The following COLQ variants were observed in gnomAD, a reference collection of about 807,000 sequenced individuals.
COLQ encodes the protein collagen like tail subunit of asymmetric acetylcholinesterase.
In COLQ, 48 loss-of-function variants were observed where a neutral mutation model predicts 69.0. That is an observed-to-expected ratio of 0.70 (90% confidence interval 0.55 to 0.88). The LOEUF is 0.88. Ranked by LOEUF, COLQ falls within the 40% of genes least tolerant of loss-of-function variation. The pLI is 0.00. For missense variants in COLQ, 618 were observed against 594.6 expected (o/e 1.04, Z -0.41); for synonymous variants, 217 against 211.2 (o/e 1.03, Z -0.24).
chr3:15,453,600 A>C (rs2061979595), intron 16 of COLQ, among the ~76,000 whole-genome samples: 1 of 152,192 alleles, frequency 6.6e-6, no homozygotes, highest in African/African-American at 2.4e-5. Flanking sequence ...TGGATGGAGC[A>C]GGTGGCTGTG....
In COLQ at chr3:15,509,597, C is replaced by T. The variant is rs189674314; in HGVS notation, c.106+11923G>A. Among the ~76,000 whole-genome samples the T allele has an allele frequency of 1.7e-3, 259 of 152,324 alleles. 1 individual carries two copies. The highest frequency in any genetic ancestry group is 6.8e-3 in the Middle Eastern group (2 of 294). On this transcript the variant is annotated intron_variant, in intron 1 of 16. Transcript: ENST00000383788. ...CATGTCCTGAAAGTCAAATGTTGCCCCTCAAAGTACAACAGTAATTCCTGA... is the reference window on the plus strand; with the variant it reads ...CATGTCCTGAAAGTCAAATGTTGCCTCTCAAAGTACAACAGTAATTCCTGA...
intron 12 of COLQ, among the ~76,000 whole-genome samples, chr3:15,464,505 C>A (rs1158319666): frequency 1.3e-5 from 2 of 152,138 alleles, no homozygotes; most frequent in Admixed American, 6.5e-5. Context: ...TAGTGAAAAT[C>A]CTAATAATGC....
intron 10 of COLQ, among the ~76,000 whole-genome samples, chr3:15,472,505 A>C (rs1309715719): frequency 6.6e-6 from 1 of 152,236 alleles, no homozygotes; most frequent in Non-Finnish European, 1.5e-5. Flanking sequence ...AAAATGAAAA[A>C]TACTAACAAA....
At chr3:15,467,481 G>C (rs2125105127) in intron 11 of COLQ, among the ~76,000 whole-genome samples, 1 of 152,318 alleles carries the variant, frequency 6.6e-6, no homozygotes, top group South Asian at 2.1e-4. Flanking sequence ...GTTAAGTCTT[G>C]GTTTATTAAA....
At chr3:15,511,592 A>AC (rs770589431) in intron 1 of COLQ, among the ~76,000 whole-genome samples, 14 of 152,152 alleles carry the variant, frequency 9.2e-5, no homozygotes, top group Non-Finnish European at 1.9e-4. Context: ...CTCTCTAGAG[A>AC]CAGGGGACTC....
intron 7 of COLQ, 26 bp downstream of exon 7, chr3:15,475,399 A>G: frequency 6.3e-7 from 1 of 1,576,054 alleles, no homozygotes; most frequent in Non-Finnish European, 8.6e-7. Flanking sequence ...GAGATCTGGG[A>G]ACGTCCATTT....
At chr3:15,510,544 C>CA (rs1298095625) in intron 1 of COLQ, among the ~76,000 whole-genome samples, 5 of 151,660 alleles carry the variant, frequency 3.3e-5, no homozygotes, top group Non-Finnish European at 7.4e-5. Context: ...CCTGTCTCTA[C>CA]AAAAAATACA....
At position 15,456,459 on chromosome 3, in the gene COLQ, C is replaced by A. The variant is rs1314639973; in HGVS notation, c.1074+1G>T. 6.2e-7 allele frequency: 1 copy of A among 1,613,888 alleles called. No homozygotes were observed. Among genetic ancestry groups the A allele is most frequent in the East Asian group, 2.2e-5 (1 of 44,894 alleles). ...GTCCTGAGGTAATGGCCTGGGGGTA[C>A]CTGGATGGGGAGCCAGCCAAGGCTG... On this transcript the variant is annotated splice_donor_variant, in intron 14 of 16. Coordinates refer to ENST00000383788, the MANE Select transcript of COLQ (RefSeq NM_005677.4). LOFTEE classifies it high-confidence loss of function.
chr3:15,451,336 T>C lies in COLQ; in HGVS notation c.*308A>G. On this transcript the variant is annotated 3_prime_UTR_variant, in exon 17 of 17. Coordinates refer to ENST00000383788, the MANE Select transcript of COLQ (RefSeq NM_005677.4). ...ACAGTGCTCAGCCAAGTCCACGGCC[T>C]GGGTCAGCAACATTCCAGAAGAGGA... 5 of 529,856 alleles carry C rather than the reference T, an allele frequency of 9.4e-6. No individual in the cohort carries two copies. Among genetic ancestry groups the C allele is most frequent in the South Asian group, 9.4e-5 (5 of 53,026 alleles). 32.8% of individuals were successfully genotyped at this position (529,856 alleles called of 1,614,324 possible).
intron 9 of COLQ, 63 bp downstream of exon 9, chr3:15,474,165 G>A (rs779191535): frequency 6.3e-6 from 10 of 1,598,556 alleles, no homozygotes; most frequent in South Asian, 3.3e-5. Flanking sequence ...ACGGATGGGG[G>A]TGGGTGGGGG....
At chr3:15,486,346 CA>C (rs1259696079) in intron 3 of COLQ, among the ~76,000 whole-genome samples, 1 of 152,122 alleles carries the variant, frequency 6.6e-6, no homozygotes, top group Non-Finnish European at 1.5e-5. Flanking sequence ...CATTTCTAAC[CA>C]GCTCCCATAT....
intron 1 of COLQ, among the ~76,000 whole-genome samples, chr3:15,498,276 C>G (rs907548063): frequency 5.3e-5 from 8 of 152,286 alleles, no homozygotes; most frequent in Middle Eastern, 6.8e-3. Context: ...CAGGTCCCCA[C>G]CAACTCTACT....
Position 15,507,696 on chromosome 3 carries a change from C to A in COLQ, c.106+13824G>T, listed in dbSNP as rs374825067. ...TCTCAAACACTTGGGCTCAAGTGAT[C>A]TGCTAGCCTCAGCCTCCCAAAGTGC... On this transcript the variant is annotated intron_variant, in intron 1 of 16. Transcript: ENST00000383788. Among the ~76,000 whole-genome samples, 40 of 152,320 alleles carry A rather than the reference C, an allele frequency of 2.6e-4. No individual in the cohort carries two copies. In the East Asian group the frequency reaches 3.3e-3, roughly 12 times the overall value.
intron 3 of COLQ, among the ~76,000 whole-genome samples, chr3:15,485,257 G>A (rs906941595): frequency 6.6e-6 from 1 of 152,212 alleles, no homozygotes; most frequent in Non-Finnish European, 1.5e-5. Flanking sequence ...CCTTCCTCTG[G>A]AAGCTTCATC....
At chr3:15,513,094 G>T (rs1371533291) in intron 1 of COLQ, among the ~76,000 whole-genome samples, 1 of 152,184 alleles carries the variant, frequency 6.6e-6, no homozygotes, top group African/African-American at 2.4e-5. Context: ...TTGTTGTGAA[G>T]ATTAAATATA....
chr3:15,477,475 C>T lies in COLQ; in HGVS notation c.394-278G>A, dbSNP rs377691489. ...TTTTTGTCACTTCTACCCACCCCCA[C>T]CCAAAAGTCCCCTGCGTTCCAATGG... is the stretch of plus-strand genomic sequence containing the variant. On this transcript the variant is annotated intron_variant, in intron 5 of 16. Transcript: ENST00000383788. 1.5e-4 allele frequency: 66 copies of T among 448,024 alleles called. 3 individuals are homozygous for T. Among genetic ancestry groups the T allele is most frequent in the Admixed American group, 5.6e-4 (16 of 28,730 alleles). 27.8% of individuals were successfully genotyped at this position (448,024 alleles called of 1,614,324 possible).
intron 16 of COLQ, among the ~76,000 whole-genome samples, chr3:15,451,968 C>T (rs1442938746): frequency 2.0e-5 from 3 of 152,102 alleles, no homozygotes; most frequent in Admixed American, 1.3e-4. Flanking sequence ...CCCCTTGCTA[C>T]GATGCAGCCT....
chr3:15,513,202 C>T (rs767142920), intron 1 of COLQ, among the ~76,000 whole-genome samples: 1 of 152,188 alleles, frequency 6.6e-6, no homozygotes, highest in Non-Finnish European at 1.5e-5. Flanking sequence ...CCAACTTCTG[C>T]ATCCCGACAG....
At chr3:15,483,301 T>C (rs2062522681) in intron 3 of COLQ, among the ~76,000 whole-genome samples, 1 of 152,224 alleles carries the variant, frequency 6.6e-6, no homozygotes, top group African/African-American at 2.4e-5. Context: ...TTAATTGTGA[T>C]GTTAGGGTGT....
Sources: gnomAD v4.1 joint callset for allele counts (sites outside exome capture counted in the v4.1 genomes callset) on GRCh38, gnomAD v4.1.1 for gene constraint, MANE v1.5 for transcripts, NCBI Gene and HGNC (gene_info 2026-07-23, HGNC 2026-07-21) for gene names.